EPB41L5: variants seen among roughly 807,000 people sequenced by gnomAD.
The protein encoded by EPB41L5 is band 4.1-like protein 5.
A neutral mutation model predicts 106.6 loss-of-function variants in EPB41L5; 55 were observed. That is an observed-to-expected ratio of 0.52 (90% confidence interval 0.42 to 0.65). EPB41L5 has a LOEUF of 0.65. Ranked by LOEUF, EPB41L5 falls within the 30% of genes least tolerant of loss-of-function variation. The pLI is 0.00. For synonymous variants in EPB41L5, 297 were observed against 306.7 expected (o/e 0.97, Z 0.33); for missense variants, 871 against 882.1 (o/e 0.99, Z 0.16).
intron 3 of EPB41L5, among the ~76,000 whole-genome samples, chr2:120,051,303 C>A (rs530341054): frequency 6.6e-6 from 1 of 152,264 alleles, no homozygotes; most frequent in East Asian, 1.9e-4. Flanking sequence ...TGGGCTCCAC[C>A]CAGTTCAAGC....
intron 20 of EPB41L5, among the ~76,000 whole-genome samples, chr2:120,157,390 A>C (rs1308437277): frequency 2.0e-5 from 3 of 152,088 alleles, no homozygotes; most frequent in African/African-American, 7.2e-5. Flanking sequence ...TGGAGAACCA[A>C]GAGAAAACCA....
At chr2:120,057,427 AC>A (rs894595035) in intron 3 of EPB41L5, among the ~76,000 whole-genome samples, 7 of 152,334 alleles carry the variant, frequency 4.6e-5, no homozygotes, top group African/African-American at 1.7e-4. Context: ...CTGTGGACTT[AC>A]CCTAGAAAAA....
chr2:120,030,444 T>A (rs953896618), intron 2 of EPB41L5, among the ~76,000 whole-genome samples: 3 of 152,182 alleles, frequency 2.0e-5, no homozygotes, highest in African/African-American at 7.2e-5. Context: ...AGTTCTGCCA[T>A]CCCATCTGGG....
At chr2:120,154,843 G>A (rs1020500211) in intron 20 of EPB41L5, among the ~76,000 whole-genome samples, 11 of 151,984 alleles carry the variant, frequency 7.2e-5, no homozygotes, top group East Asian at 3.9e-4. Context: ...GGAGAATGGC[G>A]TGAACCTGGG....
chr2:120,066,313 A>G lies in EPB41L5; in HGVS notation c.286-6865A>G, dbSNP rs1318740050. Among the ~76,000 whole-genome samples the G allele has an allele frequency of 4.6e-5, 7 of 152,216 alleles. No individual in the cohort carries two copies. In the East Asian group the frequency reaches 1.3e-3, roughly 29 times the overall value. ...AGCCGAGAGATAACATCTCTGTTAC[A>G]TTATTATTACAGATTATCTCTGTGA... is the stretch of plus-strand genomic sequence containing the variant. On this transcript the variant is annotated intron_variant, in intron 3 of 24. Coordinates refer to ENST00000263713, the MANE Select transcript of EPB41L5 (RefSeq NM_020909.4).
intron 2 of EPB41L5, among the ~76,000 whole-genome samples, chr2:120,027,332 T>G (rs1314330750): frequency 6.6e-6 from 1 of 152,168 alleles, no homozygotes; most frequent in Non-Finnish European, 1.5e-5. Flanking sequence ...ACCTGTAATA[T>G]CCATATAATG....
chr2:120,146,477 T>C (rs1686410027), intron 20 of EPB41L5, among the ~76,000 whole-genome samples, 188 bp downstream of exon 20: 1 of 152,208 alleles, frequency 6.6e-6, no homozygotes, highest in South Asian at 2.1e-4. Context: ...CTAATTAGTC[T>C]CCCAACATTC....
chr2:120,022,892 A>G (rs755854135), intron 2 of EPB41L5, among the ~76,000 whole-genome samples: 14 of 152,178 alleles, frequency 9.2e-5, no homozygotes, highest in Non-Finnish European at 1.9e-4. Context: ...ATGAGATGGT[A>G]TCTCATTGTG....
chr2:120,061,779 A>G (rs966404957), intron 3 of EPB41L5, among the ~76,000 whole-genome samples: 9 of 152,366 alleles, frequency 5.9e-5, no homozygotes, highest in Middle Eastern at 3.4e-3. Context: ...AGCATTTCTC[A>G]TAAATACTTA....
chr2:120,143,269 T>A, intron 19 of EPB41L5, 138 bp downstream of exon 19: 5 of 1,037,466 alleles, frequency 4.8e-6, no homozygotes, highest in Non-Finnish European at 6.7e-6. Flanking sequence ...GTAAAGATGC[T>A]CAGGGGGATA....
chr2:120,087,538 G>A (rs1232273623), intron 11 of EPB41L5, among the ~76,000 whole-genome samples: 1 of 152,184 alleles, frequency 6.6e-6, no homozygotes, highest in East Asian at 1.9e-4. Flanking sequence ...CTGGAGGGCA[G>A]TGGCACTGTC....
chr2:120,072,445 A>T (rs1217348886), intron 3 of EPB41L5, among the ~76,000 whole-genome samples: 1 of 152,208 alleles, frequency 6.6e-6, no homozygotes, highest in Non-Finnish European at 1.5e-5. Flanking sequence ...TACCCAAAGG[A>T]TTATAAGTCA....
At position 120,127,744 on chromosome 2, in the gene EPB41L5, G is replaced by A; in HGVS notation, c.1394G>A (p.Gly465Asp). 2 of 1,613,608 alleles carry A rather than the reference G, an allele frequency of 1.2e-6. No homozygotes were observed. The highest frequency in any genetic ancestry group is 1.7e-6 in the Non-Finnish European group (2 of 1,179,682). Residue 465 changes from glycine to aspartate, a missense_variant, in exon 17 of 25, where the codon GGT (glycine) becomes GAT (aspartate). Coordinates refer to ENST00000263713, the MANE Select transcript of EPB41L5 (RefSeq NM_020909.4). ...NSPDLLEATIGDVIGASDTME... is the reference protein window; with the variant it reads ...NSPDLLEATIDDVIGASDTME... Reference sequence around the variant, plus strand: ...CCAGACTTATTGGAAGCAACGATTGGTGATGTAATTGGGGCATCTGACACT... The same window carrying A: ...CCAGACTTATTGGAAGCAACGATTGATGATGTAATTGGGGCATCTGACACT...
chr2:120,068,532 C>T (rs1006416975), intron 3 of EPB41L5, among the ~76,000 whole-genome samples: 21 of 152,140 alleles, frequency 1.4e-4, no homozygotes, highest in South Asian at 2.1e-4. Context: ...GAGGGGCGTC[C>T]GCCGTTACTG....
chr2:120,034,215 G>A (rs946076266), intron 2 of EPB41L5, among the ~76,000 whole-genome samples: 1 of 152,208 alleles, frequency 6.6e-6, no homozygotes, highest in Non-Finnish European at 1.5e-5. Flanking sequence ...AAAGGTTTTT[G>A]TTCTGAGGAC....
At chr2:120,123,646 C>CATTT (rs1178238151) in intron 16 of EPB41L5, among the ~76,000 whole-genome samples, 1 of 68,338 alleles carries the variant, frequency 1.5e-5, no homozygotes, top group Non-Finnish European at 2.8e-5. Flanking sequence ...GTGTTCGTCC[C>CATTT]TTTTTTTTTT....
chr2:120,035,182 C>G (rs367930539), intron 2 of EPB41L5, among the ~76,000 whole-genome samples: 1 of 152,110 alleles, frequency 6.6e-6, no homozygotes, highest in African/African-American at 2.4e-5. Context: ...CCATAGTTAC[C>G]TTGTTCTGTA....
chr2:120,144,760 C>T (rs1336076103), intron 19 of EPB41L5, among the ~76,000 whole-genome samples: 1 of 152,156 alleles, frequency 6.6e-6, no homozygotes, highest in East Asian at 1.9e-4. Flanking sequence ...TGAACATTAA[C>T]TTAAAAGTTC....
chr2:120,049,773 A>G (rs1680094067), intron 3 of EPB41L5, among the ~76,000 whole-genome samples: 2 of 152,046 alleles, frequency 1.3e-5, no homozygotes, highest in Admixed American at 6.6e-5. Flanking sequence ...GGTCTTTACA[A>G]TTTGGCATGG....
Sources: gnomAD v4.1 joint callset for allele counts (sites outside exome capture counted in the v4.1 genomes callset) on GRCh38, gnomAD v4.1.1 for gene constraint, MANE v1.5 for transcripts, NCBI Gene and HGNC (gene_info 2026-07-23, HGNC 2026-07-21) for gene names.